NOS1AP: variants seen among roughly 807,000 people sequenced by gnomAD.
The protein encoded by NOS1AP is nitric oxide synthase 1 adaptor protein.
Under a neutral mutation model 56.2 loss-of-function variants are expected in NOS1AP, and 21 were observed. The ratio of observed to expected loss-of-function variants is 0.37; its 90% CI spans 0.26 to 0.54. The LOEUF (loss-of-function observed/expected upper bound fraction) is 0.54. Ranked by LOEUF, NOS1AP falls within the 20% of genes least tolerant of loss-of-function variation. NOS1AP has a pLI of 0.84. For synonymous variants in NOS1AP, 270 were observed against 274.6 expected, an observed-to-expected ratio of 0.98 and a Z score of 0.17; for missense variants, 522 against 657.8, an observed-to-expected ratio of 0.79 and a Z score of 2.26.
intron 1 of NOS1AP, among the ~76,000 whole-genome samples, chr1:162,133,813 C>T (rs1461071583): frequency 7.2e-6 from 1 of 139,736 alleles, no homozygotes; most frequent in Non-Finnish European, 1.5e-5. Flanking sequence ...TGGTTAATTC[C>T]TCTCAACTGC....
Position 162,070,106 on chromosome 1 carries a change from C to G in NOS1AP, c.-72C>G, listed in dbSNP as rs1691628313. The G allele has an allele frequency of 4.8e-6, 6 of 1,257,268 alleles. No individual in the cohort carries two copies. The Middle Eastern group carries it at 5.7e-4, about 120-fold the overall frequency. 77.9% of individuals were successfully genotyped at this position (1,257,268 alleles called of 1,614,324 possible). On this transcript the variant is annotated 5_prime_UTR_variant, in exon 1 of 10. Coordinates refer to ENST00000361897, the MANE Select transcript of NOS1AP (RefSeq NM_014697.3). ...CGTCGCCGCGCCCAGCTCCAGTCTC[C>G]CCTCCCCGGGGTCTCGCCAGCCCCT...
chr1:162,269,647 A>G (rs1387847048), intron 2 of NOS1AP, among the ~76,000 whole-genome samples: 2 of 152,220 alleles, frequency 1.3e-5, no homozygotes, highest in Non-Finnish European at 2.9e-5. Context: ...AAAATGACAT[A>G]TTGTTATGGA....
Position 162,152,711 on chromosome 1 carries a change from G to A in NOS1AP, c.106-1694G>A, listed in dbSNP as rs369980996. Among the ~76,000 whole-genome samples the A allele has an allele frequency of 1.1e-4, 16 of 152,356 alleles. No individual in the cohort carries two copies. In the South Asian group the frequency reaches 3.3e-3, roughly 32 times the overall value. On this transcript the variant is annotated intron_variant, in intron 1 of 9. Coordinates refer to ENST00000361897, the MANE Select transcript of NOS1AP (RefSeq NM_014697.3). ...CTGCTTGCCAGCTGTGTTCTTCAGT[G>A]TATTAGCACAAACTGTTGATCAATA...
At chr1:162,275,296 G>A (rs1403787383) in intron 2 of NOS1AP, among the ~76,000 whole-genome samples, 3 of 152,194 alleles carry the variant, frequency 2.0e-5, no homozygotes, top group Admixed American at 1.3e-4. Flanking sequence ...TCTTGCCTCA[G>A]CCTCCTGAGT....
At chr1:162,251,881 T>TTTTTTTTTTTTTTC (rs1653873453) in intron 2 of NOS1AP, among the ~76,000 whole-genome samples, 1 of 141,816 alleles carries the variant, frequency 7.1e-6, no homozygotes, top group Non-Finnish European at 1.5e-5. Flanking sequence ...TTTTTTTTTT[T>TTTTTTTTTTTTTTC]TTTTTTTTGT....
rs750086168 is a variant in NOS1AP at position 162,070,288 on chromosome 1, G to A, written c.105+6G>A. The A allele has an allele frequency of 6.2e-7, 1 of 1,609,636 alleles. No homozygotes were observed. Among genetic ancestry groups the A allele is most frequent in the Admixed American group, 1.7e-5 (1 of 59,930 alleles). On this transcript the variant is annotated splice_donor_region_variant and intron_variant, in intron 1 of 9. Coordinates refer to ENST00000361897, the MANE Select transcript of NOS1AP (RefSeq NM_014697.3). ...GCATCTGCTTTGAGGCCAAGGTGAGGGGGCTCCGGGGAGGGTGCTACCTGT... is the reference window on the plus strand; with the variant it reads ...GCATCTGCTTTGAGGCCAAGGTGAGAGGGCTCCGGGGAGGGTGCTACCTGT...
At chr1:162,216,826 A>C (rs1404948226) in intron 2 of NOS1AP, among the ~76,000 whole-genome samples, 1 of 152,218 alleles carries the variant, frequency 6.6e-6, no homozygotes, top group Non-Finnish European at 1.5e-5. Flanking sequence ...CAACTTTCTA[A>C]ACTTCTCTGT....
At chr1:162,324,655 A>G (rs1656526601) in intron 4 of NOS1AP, among the ~76,000 whole-genome samples, 1 of 152,138 alleles carries the variant, frequency 6.6e-6, no homozygotes, top group African/African-American at 2.4e-5. Flanking sequence ...TCAGAAGATA[A>G]AGATGCATTT....
At chr1:162,264,498 C>T (rs1321306294) in intron 2 of NOS1AP, among the ~76,000 whole-genome samples, 7 of 127,074 alleles carry the variant, frequency 5.5e-5, no homozygotes, top group African/African-American at 9.1e-5. Context: ...CTCCTCCTCT[C>T]CTCTCCTCTC....
chr1:162,260,161 C>T (rs1654162409), intron 2 of NOS1AP, among the ~76,000 whole-genome samples: 1 of 151,750 alleles, frequency 6.6e-6, no homozygotes, highest in African/African-American at 2.4e-5. Flanking sequence ...GGTCTGTTGT[C>T]AGAAACTTGA....
chr1:162,277,660 T>C (rs1295050343), intron 2 of NOS1AP, among the ~76,000 whole-genome samples: 1 of 152,230 alleles, frequency 6.6e-6, no homozygotes, highest in Non-Finnish European at 1.5e-5. Context: ...CCCACATGAA[T>C]GGCTGTGTGA....
At chr1:162,317,320 A>G (rs1289081428) in intron 4 of NOS1AP, 3 of 152,344 alleles carry the variant, frequency 2.0e-5, no homozygotes, top group African/African-American at 4.8e-5. Context: ...AGACTCAAAC[A>G]CTGTTAAAAA....
At position 162,366,878 on chromosome 1, in the gene NOS1AP, G is replaced by A. The variant is rs905983662; in HGVS notation, c.1106-174G>A. 12 of 738,142 alleles carry A rather than the reference G, an allele frequency of 1.6e-5. No homozygotes were observed. In the Admixed American group the frequency reaches 2.1e-4, roughly 13 times the overall value. 45.7% of individuals were successfully genotyped at this position (738,142 alleles called of 1,614,324 possible). On this transcript the variant is annotated intron_variant, in intron 9 of 9. Coordinates refer to ENST00000361897, the MANE Select transcript of NOS1AP (RefSeq NM_014697.3). The stretch of plus-strand genomic sequence containing the variant: ...TCCCCTCCAGCGAGGTGTGTCTGGA[G>A]CTATGTGGGGGCGGGAGGAAGGGTG...
intron 2 of NOS1AP, among the ~76,000 whole-genome samples, chr1:162,223,053 A>G (rs1445929733): frequency 6.6e-6 from 1 of 152,236 alleles, no homozygotes; most frequent in Non-Finnish European, 1.5e-5. Flanking sequence ...TTGTTCAAAG[A>G]CGTTGTAACA....
chr1:162,082,111 G>A (rs539826561), intron 1 of NOS1AP, among the ~76,000 whole-genome samples: 3 of 151,728 alleles, frequency 2.0e-5, no homozygotes, highest in South Asian at 2.1e-4. Context: ...CTGAAAGGCC[G>A]CAGTGTGTGG....
chr1:162,142,475 T>TG (rs201993540), intron 1 of NOS1AP, among the ~76,000 whole-genome samples: 1 of 151,644 alleles, frequency 6.6e-6, no homozygotes, highest in African/African-American at 2.4e-5. Context: ...TTGTCAAATG[T>TG]GGGGTTTTTT....
chr1:162,369,432 A>T lies in NOS1AP; in HGVS notation c.*1965A>T, dbSNP rs1374737777. On this transcript the variant is annotated 3_prime_UTR_variant, in exon 10 of 10. Coordinates refer to ENST00000361897, the MANE Select transcript of NOS1AP (RefSeq NM_014697.3). ...GAGTCCAAGACCACTTAGATTATTAAGATTTTGAACGTCCAGAGGAGTGAA... is the reference window on the plus strand; with the variant it reads ...GAGTCCAAGACCACTTAGATTATTATGATTTTGAACGTCCAGAGGAGTGAA... 6.7e-6 allele frequency: 1 copy of T among 148,784 alleles called. No individual in the cohort carries two copies. The highest frequency in any genetic ancestry group is 1.5e-5 in the Non-Finnish European group (1 of 67,552). The allele number at this position is 148,784 out of a possible 1,614,324, so 9.2% of individuals were successfully genotyped here. A position where few individuals can be genotyped will look rare whatever the true frequency, so the allele number is the denominator to read the frequency against.
At chr1:162,364,212 G>T (rs1351750218) in intron 8 of NOS1AP, 3 of 985,310 alleles carry the variant, frequency 3.0e-6, no homozygotes, top group Non-Finnish European at 2.4e-6. Flanking sequence ...CCATCTTCCT[G>T]CATCCTCGTC....
At chr1:162,300,485 A>C in intron 3 of NOS1AP, 148 bp from the exon 4 acceptor site, 1 of 724,632 alleles carries the variant, frequency 1.4e-6, no homozygotes, top group Non-Finnish European at 2.5e-6. Context: ...GATATTTTGC[A>C]CTCGTCGTTT....
Sources: gnomAD v4.1 joint callset for allele counts (sites outside exome capture counted in the v4.1 genomes callset) on GRCh38, gnomAD v4.1.1 for gene constraint, MANE v1.5 for transcripts, NCBI Gene and HGNC (gene_info 2026-07-23, HGNC 2026-07-21) for gene names.